The following SYNE1 variants were observed in gnomAD, a reference collection of about 807,000 sequenced individuals.
The protein encoded by SYNE1 is spectrin repeat containing nuclear envelope protein 1.
A neutral mutation model predicts 1,111.0 loss-of-function variants in SYNE1; 616 were observed. That is an observed-to-expected ratio of 0.55 (90% CI 0.52 to 0.59). SYNE1 has a LOEUF of 0.59. Among genes scored for constraint, SYNE1 ranks in the 20% least tolerant of loss-of-function variants. SYNE1 has a pLI of 0.00. For synonymous variants in SYNE1, 3,855 were observed against 3,825.8 expected (o/e 1.01, Z -0.28); for missense variants, 10,006 against 10,417.0 (o/e 0.96, Z 1.72).
chr6:152,368,850 G>A (rs892930323), intron 61 of SYNE1, 122 bp downstream of exon 61: 4 of 1,230,106 alleles, frequency 3.3e-6, no homozygotes, highest in Non-Finnish European at 4.8e-6. Flanking sequence ...GCCCCTTACT[G>A]CTGACCTGGA....
chr6:152,408,455 ATTC>A (rs1340399562), intron 44 of SYNE1, among the ~76,000 whole-genome samples: 4 of 152,186 alleles, frequency 2.6e-5, no homozygotes, highest in South Asian at 4.1e-4. Flanking sequence ...ATGTTCATAA[ATTC>A]TTCTTTTTTA....
intron 3 of SYNE1, among the ~76,000 whole-genome samples, chr6:152,559,062 C>T (rs2099385671): frequency 6.7e-6 from 1 of 150,100 alleles, no homozygotes; most frequent in African/African-American, 2.5e-5. Context: ...GGCTAGAGTG[C>T]AGTGGCACTC....
chr6:152,536,195 T>C (rs2099235563), intron 4 of SYNE1, among the ~76,000 whole-genome samples: 2 of 151,052 alleles, frequency 1.3e-5, no homozygotes, highest in Middle Eastern at 3.4e-3. Flanking sequence ...CAGAATCCCA[T>C]TCATTGCCTT....
At chr6:152,620,242 G>A (rs1329010985) in intron 3 of SYNE1, among the ~76,000 whole-genome samples, 1 of 151,996 alleles carries the variant, frequency 6.6e-6, no homozygotes, top group African/African-American at 2.4e-5. Context: ...CAGCTTCTTA[G>A]TCTCATATGT....
At chr6:152,553,814 T>A (rs1372859797) in intron 3 of SYNE1, among the ~76,000 whole-genome samples, 1 of 152,164 alleles carries the variant, frequency 6.6e-6, no homozygotes, top group Non-Finnish European at 1.5e-5. Context: ...AGCAGGAGGT[T>A]TTTTAGCATG....
intron 4 of SYNE1, among the ~76,000 whole-genome samples, chr6:152,530,880 C>T (rs529550034): frequency 2.6e-4 from 40 of 152,130 alleles, no homozygotes; most frequent in Non-Finnish European, 5.4e-4. Context: ...GCCTCAGCCT[C>T]CCAAAGTGCT....
chr6:152,416,877 C>G lies in SYNE1; in HGVS notation c.5560G>C (p.Glu1854Gln). Reference sequence around the variant, plus strand: ...CTCTCCACAACCTGGCTGGCCTCCTCAAACAGCTGGAAGCAGTCCTCAGCC... The same window carrying G: ...CTCTCCACAACCTGGCTGGCCTCCTGAAACAGCTGGAAGCAGTCCTCAGCC... ...GKAEDCFQLF[E>Q]EASQVVERRQ... The change falls in exon 41 of 146, where the codon GAG becomes CAG. Residue 1854 changes from glutamate to glutamine, a missense_variant. Physicochemically the swap from Glu to Gln is conservative, Grantham distance 29. Around this residue, in one of 7 missense-constraint regions of SYNE1, gnomAD observed 4,955 missense variants for 5,017.2 expected, o/e 0.99. Transcript: ENST00000367255. 6.2e-7 allele frequency: 1 copy of G among 1,613,904 alleles called. No individual in the cohort carries two copies. The highest frequency in any genetic ancestry group is 8.5e-7 in the Non-Finnish European group (1 of 1,179,818).
intron 3 of SYNE1, among the ~76,000 whole-genome samples, chr6:152,571,837 G>A (rs2099461333): frequency 6.6e-6 from 1 of 152,094 alleles, no homozygotes; most frequent in Non-Finnish European, 1.5e-5. Flanking sequence ...ACTAAATTTA[G>A]TTTTTAATCA....
Position 152,463,447 on chromosome 6 carries a change from A to G in SYNE1, c.2003T>C (p.Ile668Thr). ...GGAAACCATCTCATCACAGGTTTCA[A>G]TTAGAAAATTGCCAGCATCGTTCAT... ...TAMNDAGNFL[I>T]ETCDEMVSRD... The change falls in exon 19 of 146, where the codon ATT becomes ACT. Residue 668 changes from isoleucine (I) to threonine (T), a missense_variant. By Grantham distance (89) the Ile-to-Thr change is moderately conservative. This residue lies in a region of SYNE1 where 1,971 missense variants were observed against 2,084.1 expected (regional missense o/e 0.95). Transcript: ENST00000367255. 1.9e-6 allele frequency: 3 copies of G among 1,613,818 alleles called. No individual in the cohort carries two copies. Among genetic ancestry groups the G allele is most frequent in the Non-Finnish European group, 1.7e-6 (2 of 1,179,794 alleles).
At chr6:152,591,031 T>C (rs1322518) in intron 3 of SYNE1, among the ~76,000 whole-genome samples, 3,320 of 152,304 alleles carry the variant, frequency 0.022, 129 homozygotes, top group African/African-American at 0.076. Flanking sequence ...TGAAATGTTT[T>C]TCCATTTATT....
chr6:152,328,943 T>C (rs1370317902), intron 78 of SYNE1, among the ~76,000 whole-genome samples: 1 of 152,170 alleles, frequency 6.6e-6, no homozygotes, highest in Non-Finnish European at 1.5e-5. Flanking sequence ...CCCACAAAAA[T>C]GTGGCTTATT....
At position 152,407,207 on chromosome 6, in the gene SYNE1, A is replaced by C; in HGVS notation, c.6541-11T>G. On this transcript the variant is annotated splice_polypyrimidine_tract_variant and intron_variant, in intron 44 of 145. Transcript: ENST00000367255. ...AAGTTTCTCTGATACCTAGGAGAGAAACAGAAGCCATGGCATTCATAGTCA... is the reference window on the plus strand; with the variant it reads ...AAGTTTCTCTGATACCTAGGAGAGACACAGAAGCCATGGCATTCATAGTCA... 1 of 1,613,510 alleles carries C rather than the reference A, an allele frequency of 6.2e-7. No homozygotes were observed. The highest frequency in any genetic ancestry group is 8.5e-7 in the Non-Finnish European group (1 of 1,179,774).
intron 3 of SYNE1, among the ~76,000 whole-genome samples, chr6:152,577,411 T>A (rs1428897721): frequency 2.0e-5 from 3 of 152,140 alleles, no homozygotes; most frequent in Non-Finnish European, 2.9e-5. Context: ...GGCGGGTGGA[T>A]CACAAGGTCA....
At chr6:152,504,096 T>C (rs1472784516) in intron 9 of SYNE1, among the ~76,000 whole-genome samples, 1 of 152,160 alleles carries the variant, frequency 6.6e-6, no homozygotes, top group Non-Finnish European at 1.5e-5. Flanking sequence ...TATGAAAGAA[T>C]CATGCATATT....
chr6:152,180,159 C>T lies in SYNE1; in HGVS notation c.23437G>A (p.Glu7813Lys), dbSNP rs756244250. 1 of 1,614,088 alleles carries T rather than the reference C, an allele frequency of 6.2e-7. No homozygotes were observed. The highest frequency in any genetic ancestry group is 8.5e-7 in the Non-Finnish European group (1 of 1,179,992). ...VSQNGDILIE[E>K]MIEKLKKDYQ... ...ACCTTCTTGAGCTTCTCTATCATTT[C>T]TTCAATGAGAATGTCTCCATTCTGA... is the stretch of plus-strand genomic sequence containing the variant. Residue 7813 changes from glutamate (E) to lysine (K), a missense_variant, in exon 129 of 146, where the codon GAA becomes AAA. Glu to Lys is a moderately conservative substitution (Grantham distance 56). Around this residue, in one of 7 missense-constraint regions of SYNE1, gnomAD observed 2,182 missense variants for 2,287.8 expected, o/e 0.95. Coordinates refer to ENST00000367255, the MANE Select transcript of SYNE1 (RefSeq NM_182961.4).
chr6:152,208,313 C>A, intron 124 of SYNE1, 107 bp from the exon 125 acceptor site: 1 of 999,558 alleles, frequency 1.0e-6, no homozygotes, highest in Non-Finnish European at 1.5e-6. Flanking sequence ...GAGAAGTGAT[C>A]TAGGGCGGTG....
At chr6:152,256,548 A>G (rs2090916311) in intron 102 of SYNE1, 86 bp downstream of exon 102, 4 of 1,577,776 alleles carry the variant, frequency 2.5e-6, no homozygotes, top group Non-Finnish European at 3.5e-6. Context: ...GGTGGATGCA[A>G]CAGTCTCACA....
Position 152,143,725 on chromosome 6 carries a change from G to A in SYNE1, c.25017C>T (p.Gly8339=). The A allele has an allele frequency of 1.2e-6, 2 of 1,614,182 alleles. No homozygotes were observed. Among genetic ancestry groups the A allele is most frequent in the South Asian group, 2.2e-5 (2 of 91,070 alleles). ...SALESQIRQL[G]KALDDSRFQI... is the part of the protein sequence containing the mutation. ...GAAAACGGCTATCATCCAGGGCTTT[G>A]CCCAGTTGTCGGATCTGTGACTCTA... is the stretch of plus-strand genomic sequence containing the variant. Residue 8339 remains glycine, a synonymous_variant, in exon 138 of 146, where the codon GGC becomes GGT. Transcript: ENST00000367255.
chr6:152,212,374 C>A (rs116501487), intron 123 of SYNE1, among the ~76,000 whole-genome samples: 1 of 152,190 alleles, frequency 6.6e-6, no homozygotes, highest in South Asian at 2.1e-4. Flanking sequence ...TGGAATCTTG[C>A]GATATGTAGT....
Sources: gnomAD v4.1 joint callset for allele counts (sites outside exome capture counted in the v4.1 genomes callset) on GRCh38, gnomAD v4.1.1 for gene constraint, gnomAD v4.1.1 regional missense constraint, MANE v1.5 for transcripts, NCBI Gene and HGNC (gene_info 2026-07-23, HGNC 2026-07-21) for gene names.